The following PRAG1 variants were observed in gnomAD, a reference collection of about 807,000 sequenced individuals.
The protein encoded by PRAG1 is PEAK1 related, kinase-activating pseudokinase 1.
PRAG1 carries 110 observed loss-of-function variants against 95.6 expected under a neutral mutation model. The observed-to-expected ratio is 1.15, with a 90% CI of 0.99 to 1.35. The LOEUF is 1.35. Among genes scored for constraint, PRAG1 ranks in the 40% most tolerant of loss-of-function variants. PRAG1 has a pLI of 0.00. For synonymous variants in PRAG1, 1,052 were observed against 819.4 expected (o/e 1.28, Z -4.85); for missense variants, 2,554 against 1,864.7 (o/e 1.37, Z -6.81).
At chr8:8,333,256 C>T (rs966718615) in intron 4 of PRAG1, among the ~76,000 whole-genome samples, 2 of 152,184 alleles carry the variant, frequency 1.3e-5, no homozygotes, top group African/African-American at 4.8e-5. Context: ...GCTAATTGGG[C>T]CAGAGGGCTC....
intron 4 of PRAG1, among the ~76,000 whole-genome samples, chr8:8,334,102 ACAGT>A (rs1260753916): frequency 6.6e-6 from 1 of 152,216 alleles, no homozygotes; most frequent in Non-Finnish European, 1.5e-5. Context: ...GTTTGGTTCC[ACAGT>A]CAGAGCAGGT....
At chr8:8,324,543 T>A (rs552832630) in intron 5 of PRAG1, among the ~76,000 whole-genome samples, 9 of 151,328 alleles carry the variant, frequency 5.9e-5, no homozygotes, top group African/African-American at 1.9e-4. Flanking sequence ...GGGGAGGGAG[T>A]GGCTTTTTCT....
chr8:8,381,729 G>C lies in PRAG1; in HGVS notation c.19C>G (p.Leu7Val), dbSNP rs373507932. The C allele has an allele frequency of 3.1e-6, 5 of 1,596,684 alleles. No homozygotes were observed. The highest frequency in any genetic ancestry group is 4.3e-6 in the Non-Finnish European group (5 of 1,168,202). The change falls in exon 2 of 6, where the codon CTG (leucine) becomes GTG (valine). Residue 7 changes from leucine (L) to valine (V), a missense_variant. Physicochemically the swap from Leu to Val is conservative, Grantham distance 32. Transcript: ENST00000615670. ...GACATTTTCAGGCTCTCGGGGTTCA[G>C]GCAGAGGGTCTGGTGCATCTTGAGC... MHQTLC[L>V]NPESLKMSAC...
chr8:8,374,652 A>G, intron 3 of PRAG1: 1 of 985,386 alleles, frequency 1.0e-6, no homozygotes, highest in South Asian at 4.7e-5. Context: ...AGCTCATCTT[A>G]GCTGCTGAAT....
At chr8:8,336,286 A>C (rs1468338723) in intron 4 of PRAG1, among the ~76,000 whole-genome samples, 2 of 152,198 alleles carry the variant, frequency 1.3e-5, no homozygotes, top group Non-Finnish European at 2.9e-5. Flanking sequence ...TTAGGTTTGC[A>C]AATTTACAAG....
chr8:8,351,168 T>G (rs1449581653), intron 3 of PRAG1, among the ~76,000 whole-genome samples: 2 of 152,206 alleles, frequency 1.3e-5, no homozygotes, highest in Non-Finnish European at 2.9e-5. Flanking sequence ...GTAGGCCTCA[T>G]GAAATTTAAA....
At chr8:8,369,186 CTTGCT>C (rs1331244577) in intron 3 of PRAG1, among the ~76,000 whole-genome samples, 4 of 150,282 alleles carry the variant, frequency 2.7e-5, no homozygotes, top group Non-Finnish European at 4.4e-5. Context: ...TTCACTCTGG[CTTGCT>C]TTTTTTTTTT....
chr8:8,375,224 G>A (rs1459859515), intron 3 of PRAG1, among the ~76,000 whole-genome samples: 2 of 138,486 alleles, frequency 1.4e-5, no homozygotes, highest in Non-Finnish European at 3.1e-5. Flanking sequence ...TTGTTTTTTT[G>A]AGACAGTCTC....
chr8:8,359,872 C>G (rs1420150110), intron 3 of PRAG1, among the ~76,000 whole-genome samples: 1 of 152,194 alleles, frequency 6.6e-6, no homozygotes, highest in African/African-American at 2.4e-5. Context: ...CCCTTACTAA[C>G]AAATTGGTTC....
In PRAG1 at chr8:8,327,774, G is replaced by A. The variant is rs56289289; in HGVS notation, c.3008C>T (p.Ser1003Leu). The A allele has an allele frequency of 3.0e-5, 48 of 1,614,174 alleles. No homozygotes were observed. The East Asian group carries it at 8.2e-4, about 28-fold the overall frequency. Reference protein sequence around the residue: ...KLTCNKPCCDSGDAIYYCATC... With the variant: ...KLTCNKPCCDLGDAIYYCATC... ...GGCACAGTAATAAATGGCATCCCCC[G>A]AGTCACAGCAGGGCTTGTTACAAGT... The change falls in exon 5 of 6, where the codon TCG becomes TTG. Residue 1003 changes from serine (S) to leucine (L), a missense_variant. Transcript: ENST00000615670.
chr8:8,339,738 T>C, intron 3 of PRAG1, 103 bp from the exon 4 acceptor site: 1 of 1,138,614 alleles, frequency 8.8e-7, no homozygotes, highest in Non-Finnish European at 1.2e-6. Context: ...ACCTGGCCAA[T>C]GTCAGCAAGT....
chr8:8,360,297 G>A (rs1296988404), intron 3 of PRAG1, among the ~76,000 whole-genome samples: 3 of 151,984 alleles, frequency 2.0e-5, no homozygotes, highest in Admixed American at 1.3e-4. Flanking sequence ...CCAAGCCCAG[G>A]GCCCCTTTTC....
intron 4 of PRAG1, among the ~76,000 whole-genome samples, chr8:8,338,697 A>G (rs1402613384): frequency 6.6e-6 from 1 of 152,222 alleles, no homozygotes; most frequent in Non-Finnish European, 1.5e-5. Context: ...AATGTTGCTG[A>G]CAGTAAATTT....
chr8:8,330,880 G>A (rs1337988529), intron 4 of PRAG1, among the ~76,000 whole-genome samples: 1 of 152,068 alleles, frequency 6.6e-6, no homozygotes, highest in African/African-American at 2.4e-5. Context: ...AAAAAAGGAG[G>A]GTAAGACCAC....
intron 3 of PRAG1, among the ~76,000 whole-genome samples, chr8:8,357,795 C>T (rs1332943152): frequency 1.3e-5 from 2 of 152,148 alleles, no homozygotes; most frequent in Non-Finnish European, 2.9e-5. Flanking sequence ...ACTTAAGTAT[C>T]CATTAACAGA....
intron 3 of PRAG1, among the ~76,000 whole-genome samples, chr8:8,365,978 AAAACAAAC>A (rs545077275): frequency 3.9e-5 from 6 of 151,958 alleles, no homozygotes; most frequent in East Asian, 1.9e-4. Context: ...ACCCTGTCTC[AAAACAAAC>A]AAACAAACAA....
chr8:8,329,675 CCTT>C (rs1219858800), intron 4 of PRAG1, among the ~76,000 whole-genome samples: 1 of 152,226 alleles, frequency 6.6e-6, no homozygotes, highest in African/African-American at 2.4e-5. Context: ...CAGTTAATAA[CCTT>C]CTAGCTCACA....
At position 8,318,813 on chromosome 8, in the gene PRAG1, C is replaced by T. The variant is rs750726726; in HGVS notation, c.3562G>A (p.Ala1188Thr). The change falls in exon 6 of 6, where the codon GCT (alanine) becomes ACT (threonine). Residue 1188 changes from alanine (A) to threonine (T), a missense_variant. Physicochemically the swap from Ala to Thr is moderately conservative, Grantham distance 58. Transcript: ENST00000615670. The surrounding 1 kb of genome is among the most constrained non-coding windows in gnomAD (Gnocchi z 4.2). ...APPCSSAAPPAGGTLSPAAGP... is the reference protein window; with the variant it reads ...APPCSSAAPPTGGTLSPAAGP... ...GCTGCGGGGCTGAGAGTGCCACCAG[C>T]AGGCGGGGCGGCAGAGGAGCAGGGA... 2.6e-5 allele frequency: 38 copies of T among 1,454,476 alleles called. No homozygotes were observed. Among genetic ancestry groups the T allele is most frequent in the African/African-American group, 1.0e-4 (7 of 67,682 alleles). The allele number at this position is 1,454,476 out of a possible 1,614,324, so 90.1% of individuals were successfully genotyped here.
At chr8:8,320,486 G>A (rs1262593914) in intron 5 of PRAG1, among the ~76,000 whole-genome samples, 2 of 152,148 alleles carry the variant, frequency 1.3e-5, no homozygotes, top group African/African-American at 4.8e-5. Flanking sequence ...CACTCAACTA[G>A]AGAGTCTTGA....
Sources: gnomAD v4.1 joint callset for allele counts (sites outside exome capture counted in the v4.1 genomes callset) on GRCh38, gnomAD v4.1.1 for gene constraint, Gnocchi (gnomAD v3.1) non-coding constraint, MANE v1.5 for transcripts, NCBI Gene and HGNC (gene_info 2026-07-23, HGNC 2026-07-21) for gene names.